Variants in TRDN observed in about 807,000 individuals in gnomAD.
TRDN encodes the protein triadin.
In TRDN, 161 loss-of-function variants were observed where a neutral mutation model predicts 149.7. That is an observed-to-expected ratio of 1.08 (90% CI 0.95 to 1.23). TRDN has a LOEUF of 1.23. Ranked by LOEUF, TRDN falls within the 50% of genes most tolerant of loss-of-function variation. The pLI is 0.00. For missense variants in TRDN, 896 were observed against 823.5 expected, an observed-to-expected ratio of 1.09 and a Z score of -1.08; for synonymous variants, 294 against 250.5, an observed-to-expected ratio of 1.17 and a Z score of -1.64.
At chr6:123,568,685 TG>T (rs1319815803) in intron 2 of TRDN, among the ~76,000 whole-genome samples, 2 of 152,218 alleles carry the variant, frequency 1.3e-5, no homozygotes, top group Non-Finnish European at 2.9e-5. Context: ...AAGCCACAGC[TG>T]GACCCAGAGC....
At chr6:123,533,686 GA>G (rs972724515) in intron 4 of TRDN, among the ~76,000 whole-genome samples, 1 of 151,760 alleles carries the variant, frequency 6.6e-6, no homozygotes, top group African/African-American at 2.4e-5. Context: ...GGACCATCCT[GA>G]AAAAAAGAAA....
Position 123,411,272 on chromosome 6 carries a change from C to T in TRDN, c.1052-17595G>A, listed in dbSNP as rs368496920. 2.0e-5 allele frequency among the ~76,000 whole-genome samples: 3 copies of T among 152,074 alleles called. No homozygotes were observed. The East Asian group carries it at 5.8e-4, about 30-fold the overall frequency. On this transcript the variant is annotated intron_variant, in intron 12 of 40. Coordinates refer to ENST00000334268, the MANE Select transcript of TRDN (RefSeq NM_006073.4). The stretch of plus-strand genomic sequence containing the variant: ...GTGTTGGCAGGGCGGGTCTCGAACT[C>T]CTGACCTCATGATCCGCCTGCCTCG...
intron 23 of TRDN, 40 bp downstream of exon 23, chr6:123,331,839 G>A: frequency 7.3e-7 from 1 of 1,361,796 alleles, no homozygotes; most frequent in Non-Finnish European, 9.9e-7. Context: ...TATGCAAAAG[G>A]CAGATCAATG....
intron 23 of TRDN, among the ~76,000 whole-genome samples, chr6:123,324,177 G>C (rs1030671616): frequency 8.5e-5 from 13 of 152,102 alleles, no homozygotes; most frequent in Non-Finnish European, 1.6e-4. Flanking sequence ...CTGGGTACCA[G>C]TATCGATTTT....
In TRDN at chr6:123,259,627, T is replaced by A. The variant is rs781602848; in HGVS notation, c.1867A>T (p.Lys623Ter). 6.8e-7 allele frequency: 1 copy of A among 1,477,092 alleles called. No individual in the cohort carries two copies. Among genetic ancestry groups the A allele is most frequent in the South Asian group, 1.3e-5 (1 of 78,954 alleles). The allele number at this position is 1,477,092 out of a possible 1,614,324, so 91.5% of individuals were successfully genotyped here. A position where few individuals can be genotyped will look rare whatever the true frequency, so the allele number is the denominator to read the frequency against. Reference sequence around the variant, plus strand: ...TGTCTTAAAATGTCATTTTTACCTTTACTTTCTTTTTCAGATATTTCAGTT... The same window carrying A: ...TGTCTTAAAATGTCATTTTTACCTTAACTTTCTTTTTCAGATATTTCAGTT... ...KKTEISEKES[K>*]EKADMKHLRE... is the part of the protein sequence containing the mutation. The change falls in exon 35 of 41, where the codon AAA becomes TAA. Residue 623 changes from lysine (K) to a stop codon, truncating the protein, a stop_gained. Transcript: ENST00000334268. LOFTEE classifies it high-confidence loss of function.
intron 25 of TRDN, 21 bp downstream of exon 25, chr6:123,279,034 AT>A: frequency 6.2e-7 from 1 of 1,601,522 alleles, no homozygotes; most frequent in African/African-American, 1.3e-5. Context: ...GTGTTTGTTT[AT>A]TGAGCATGCA....
At chr6:123,275,946 T>A (rs1777354099) in intron 26 of TRDN, among the ~76,000 whole-genome samples, 1 of 152,136 alleles carries the variant, frequency 6.6e-6, no homozygotes, top group Non-Finnish European at 1.5e-5. Flanking sequence ...ATTAAGGTAT[T>A]AGCAGGTTTG....
intron 1 of TRDN, among the ~76,000 whole-genome samples, chr6:123,573,668 A>T (rs1171573530): frequency 6.6e-6 from 1 of 152,080 alleles, no homozygotes; most frequent in Non-Finnish European, 1.5e-5. Flanking sequence ...GGCAAAGAGG[A>T]ACATACAGTA....
chr6:123,554,807 T>C (rs7772977), intron 2 of TRDN, among the ~76,000 whole-genome samples: 4,943 of 152,278 alleles, frequency 0.032, 106 homozygotes, highest in African/African-American at 0.066. Context: ...ACAATGCTCT[T>C]TCCACTAAGT....
intron 25 of TRDN, 32 bp from the exon 26 acceptor site, chr6:123,278,379 A>T (rs1412857928): frequency 2.5e-6 from 3 of 1,203,130 alleles, no homozygotes; most frequent in African/African-American, 3.2e-5. Flanking sequence ...AGTAACAATG[A>T]TTATAGAAAG....
intron 35 of TRDN, among the ~76,000 whole-genome samples, chr6:123,256,625 G>A (rs927805163): frequency 1.3e-5 from 2 of 150,426 alleles, no homozygotes; most frequent in Non-Finnish European, 3.0e-5. Context: ...TTTGAGAAGT[G>A]TCTGTTCATA....
chr6:123,381,471 A>G (rs1002689865), intron 15 of TRDN, 81 bp from the exon 16 acceptor site: 4 of 1,335,750 alleles, frequency 3.0e-6, no homozygotes, highest in Non-Finnish European at 4.1e-6. Flanking sequence ...TTAGACTGTA[A>G]TTTTTCCCAC....
rs146802680 is a variant in TRDN, at chr6:123,321,624, G to GCA, written c.1472-5131_1472-5130dup. Among the ~76,000 whole-genome samples, 43 of 151,710 alleles carry GCA rather than the reference G, an allele frequency of 2.8e-4. No individual in the cohort carries two copies. The East Asian group carries it at 7.0e-3, about 25-fold the overall frequency. ...AATGTGATGCACTTTGCATGTGCCT[G>GCA]CACACACACACACTCACACTCTTCC... On this transcript the variant is annotated intron_variant, in intron 23 of 40. Transcript: ENST00000334268.
chr6:123,501,113 A>G (rs1301044483), intron 8 of TRDN, among the ~76,000 whole-genome samples: 1 of 151,878 alleles, frequency 6.6e-6, no homozygotes, highest in Non-Finnish European at 1.5e-5. Context: ...GTGTATATAC[A>G]TATGCATCTT....
rs373926690 is a variant in TRDN at position 123,352,530 on chromosome 6, T to G, written c.1369+9A>C. 1.2e-6 allele frequency: 2 copies of G among 1,610,292 alleles called. No individual in the cohort carries two copies. The highest frequency in any genetic ancestry group is 2.7e-5 in the African/African-American group (2 of 74,716). On this transcript the variant is annotated intron_variant, in intron 21 of 40. Transcript: ENST00000334268. ...GAAGATAATGTCAACCTCCTTCATT[T>G]TTTTTTACCTTGCTCCACTGTCTTG...
chr6:123,393,579 A>G, intron 13 of TRDN, 45 bp downstream of exon 13: 3 of 1,545,332 alleles, frequency 1.9e-6, no homozygotes, highest in Non-Finnish European at 1.8e-6. Flanking sequence ...AGTGCTATAG[A>G]TGTTTAAAAA....
chr6:123,559,401 TAACTA>T (rs1202196702), intron 2 of TRDN, among the ~76,000 whole-genome samples: 26 of 152,260 alleles, frequency 1.7e-4, no homozygotes, highest in African/African-American at 5.5e-4. Flanking sequence ...CGAGACACTT[TAACTA>T]AATTATCTGC....
At chr6:123,391,543 A>G (rs1309152266) in intron 13 of TRDN, among the ~76,000 whole-genome samples, 2 of 151,976 alleles carry the variant, frequency 1.3e-5, no homozygotes, top group Admixed American at 1.3e-4. Context: ...AGATCTCCAA[A>G]TTGGAATTTC....
chr6:123,477,935 G>C (rs533443540), intron 9 of TRDN, among the ~76,000 whole-genome samples: 14 of 151,920 alleles, frequency 9.2e-5, no homozygotes, highest in Middle Eastern at 3.4e-3. Flanking sequence ...GGAAGGGATA[G>C]CATTGGGAGA....
Sources: allele counts gnomAD v4.1 joint callset (sites outside exome capture counted in the v4.1 genomes callset), GRCh38; gene constraint gnomAD v4.1.1; transcripts MANE v1.5; gene names NCBI Gene and HGNC (gene_info 2026-07-23, HGNC 2026-07-21).